Variants in ZBTB7C observed in about 807,000 individuals in gnomAD.
ZBTB7C encodes the protein zinc finger and BTB domain-containing protein 7C.
Under a neutral mutation model 25.7 loss-of-function variants are expected in ZBTB7C, and 8 were observed. The ratio of observed to expected loss-of-function variants is 0.31; its 90% CI spans 0.18 to 0.56. The LOEUF (loss-of-function observed/expected upper bound fraction) is 0.56. Among genes scored for constraint, ZBTB7C ranks in the 20% least tolerant of loss-of-function variants. The pLI, the probability that ZBTB7C is intolerant of heterozygous loss-of-function variation, is 0.91. For synonymous variants in ZBTB7C, 394 were observed against 369.0 expected, an observed-to-expected ratio of 1.07 and a Z score of -0.78; for missense variants, 824 against 855.2, an observed-to-expected ratio of 0.96 and a Z score of 0.46.
In ZBTB7C at chr18:48,029,242, G is replaced by C. The variant is rs55732061; in HGVS notation, c.*18C>G. 272,300 of 1,528,106 alleles carry C rather than the reference G, an allele frequency of 0.18. 24,952 individuals carry two copies. Among genetic ancestry groups the C allele is most frequent in the East Asian group, 0.27 (10,993 of 40,744 alleles). The allele number at this position is 1,528,106 out of a possible 1,614,324, so 94.7% of individuals were successfully genotyped here. On this transcript the variant is annotated 3_prime_UTR_variant, in exon 5 of 5. Transcript: ENST00000590800. ...GAAGGACTGGAGGGCTGGTGGGCTG[G>C]AGCCGACAGGGACCAGCCTAGTTGT...
At chr18:48,090,926 C>T (rs998562906) in intron 3 of ZBTB7C, among the ~76,000 whole-genome samples, 49 of 152,158 alleles carry the variant, frequency 3.2e-4, no homozygotes, top group African/African-American at 1.0e-3. Context: ...GCTTCTCTCT[C>T]GAACAGAACT....
chr18:48,072,150 C>T (rs1381706912), intron 3 of ZBTB7C, among the ~76,000 whole-genome samples: 1 of 152,188 alleles, frequency 6.6e-6, no homozygotes, highest in East Asian at 1.9e-4. Flanking sequence ...TGAATGAAGG[C>T]TGCATGGGAT....
chr18:48,305,251 C>G lies in ZBTB7C; in HGVS notation c.-79+32923G>C, dbSNP rs554293360. On this transcript the variant is annotated intron_variant, in intron 2 of 4. Transcript: ENST00000590800. ...CGTGTAATTATCTGCGTGGCTGTTG[C>G]TGGGTGACCCAGCCATCCATACCTG... Among the ~76,000 whole-genome samples, 307 of 152,246 alleles carry G rather than the reference C, an allele frequency of 2.0e-3. 2 individuals carry two copies. Among genetic ancestry groups the G allele is most frequent in the African/African-American group, 6.9e-3 (288 of 41,536 alleles).
intron 2 of ZBTB7C, among the ~76,000 whole-genome samples, chr18:48,223,263 A>G (rs570525085): frequency 6.6e-6 from 1 of 152,278 alleles, no homozygotes; most frequent in East Asian, 1.9e-4. Flanking sequence ...GGTTTGTCCC[A>G]GTAGAGGCCC....
At chr18:48,108,877 G>A (rs1166797253) in intron 3 of ZBTB7C, among the ~76,000 whole-genome samples, 1 of 152,028 alleles carries the variant, frequency 6.6e-6, no homozygotes, top group Non-Finnish European at 1.5e-5. Context: ...TTGGGAACTT[G>A]CTCCTTTATA....
chr18:48,306,694 A>C (rs2045682182), intron 2 of ZBTB7C, among the ~76,000 whole-genome samples: 1 of 152,146 alleles, frequency 6.6e-6, no homozygotes, highest in African/African-American at 2.4e-5. Context: ...CTACAAGTGA[A>C]TATGTAGCTG....
intron 3 of ZBTB7C, among the ~76,000 whole-genome samples, chr18:48,154,725 C>G (rs1452722804): frequency 6.6e-6 from 1 of 152,154 alleles, no homozygotes; most frequent in Non-Finnish European, 1.5e-5. Flanking sequence ...TGAGCATCAT[C>G]CCATAATGCA....
rs7238561 is a variant in ZBTB7C at position 48,027,447 on chromosome 18, G to T, written c.*1813C>A. 22,503 of 151,642 alleles carry T rather than the reference G, an allele frequency of 0.15. 2,044 individuals are homozygous for T. Among genetic ancestry groups the T allele is most frequent in the Non-Finnish European group, 0.19 (12,840 of 67,866 alleles). The allele number at this position is 151,642 out of a possible 1,614,324, so 9.4% of individuals were successfully genotyped here. ...GGGGGAACACGGGGGCACGTTGGCT[G>T]GTGGACATGGGCATGCTTCAGAGAA... On this transcript the variant is annotated 3_prime_UTR_variant, in exon 5 of 5. Coordinates refer to ENST00000590800, the MANE Select transcript of ZBTB7C (RefSeq NM_001318841.2).
At chr18:48,362,764 C>T (rs1429443928) in intron 1 of ZBTB7C, among the ~76,000 whole-genome samples, 1 of 152,188 alleles carries the variant, frequency 6.6e-6, no homozygotes, top group Non-Finnish European at 1.5e-5. Flanking sequence ...CAAAACCAGC[C>T]TTTTGGCTCG....
chr18:48,198,829 G>A (rs534925707), intron 2 of ZBTB7C, among the ~76,000 whole-genome samples: 1 of 152,078 alleles, frequency 6.6e-6, no homozygotes, highest in Non-Finnish European at 1.5e-5. Flanking sequence ...GACATCTTTG[G>A]GAGACCATTA....
intron 2 of ZBTB7C, among the ~76,000 whole-genome samples, chr18:48,215,288 C>T (rs2042796645): frequency 6.6e-6 from 1 of 152,126 alleles, no homozygotes; most frequent in African/African-American, 2.4e-5. Context: ...ACCAAAAAAG[C>T]CAAACTCTGT....
intron 3 of ZBTB7C, among the ~76,000 whole-genome samples, chr18:48,178,969 C>T (rs766056451): frequency 6.6e-6 from 1 of 152,156 alleles, no homozygotes; most frequent in African/African-American, 2.4e-5. Flanking sequence ...CTCCTGGTCC[C>T]AGGAGTGTGG....
At chr18:48,310,430 T>TAAA (rs11429990) in intron 2 of ZBTB7C, among the ~76,000 whole-genome samples, 1 of 144,902 alleles carries the variant, frequency 6.9e-6, no homozygotes, top group Non-Finnish European at 1.5e-5. Context: ...GATTCAGGTT[T>TAAA]AAAAAAAAAA....
At chr18:48,257,187 G>A (rs1017765046) in intron 2 of ZBTB7C, among the ~76,000 whole-genome samples, 1 of 151,956 alleles carries the variant, frequency 6.6e-6, no homozygotes, top group African/African-American at 2.4e-5. Flanking sequence ...AAGAAAGCTA[G>A]ACTAGTTATA....
At chr18:48,060,585 C>T (rs2037092034) in intron 3 of ZBTB7C, among the ~76,000 whole-genome samples, 1 of 152,276 alleles carries the variant, frequency 6.6e-6, no homozygotes, top group African/African-American at 2.4e-5. Context: ...TCCGCCTCCT[C>T]AGCTAAAATG....
intron 1 of ZBTB7C, among the ~76,000 whole-genome samples, chr18:48,367,347 C>CATATATATATATATATATATATAT (rs58569472): frequency 2.5e-4 from 11 of 44,830 alleles, no homozygotes; most frequent in African/African-American, 6.4e-4. Context: ...TATATGTGTG[C>CATATATATATATATATATATATAT]ATATATATAT....
chr18:48,300,860 A>G (rs2045526757), intron 2 of ZBTB7C, among the ~76,000 whole-genome samples: 1 of 152,246 alleles, frequency 6.6e-6, no homozygotes, highest in African/African-American at 2.4e-5. Flanking sequence ...AGCCCATAGG[A>G]CGGCTTCGCT....
chr18:48,387,049 T>A (rs1427111006), intron 1 of ZBTB7C, among the ~76,000 whole-genome samples: 3 of 152,034 alleles, frequency 2.0e-5, no homozygotes, highest in African/African-American at 7.2e-5. Flanking sequence ...AAAAGATGAG[T>A]TGGATTTTAA....
chr18:48,140,182 C>G (rs2040298412), intron 3 of ZBTB7C, among the ~76,000 whole-genome samples: 1 of 152,218 alleles, frequency 6.6e-6, no homozygotes, highest in South Asian at 2.1e-4. Context: ...TCAGCAGGGC[C>G]TAGTCATCTG....
Sources: allele counts gnomAD v4.1 joint callset (sites outside exome capture counted in the v4.1 genomes callset), GRCh38; gene constraint gnomAD v4.1.1; transcripts MANE v1.5; gene names NCBI Gene and HGNC (gene_info 2026-07-23, HGNC 2026-07-21).